The following USP25 variants were observed in gnomAD, a reference collection of about 807,000 sequenced individuals.
USP25 encodes ubiquitin specific peptidase 25, also known as ubiquitin carboxyl-terminal hydrolase 25.
In USP25, 85 loss-of-function variants were observed where a neutral mutation model predicts 158.5. That is an observed-to-expected ratio of 0.54 (90% confidence interval 0.45 to 0.64). The LOEUF is 0.64. Among genes scored for constraint, USP25 ranks in the 30% least tolerant of loss-of-function variants. The probability of loss-of-function intolerance (pLI) is 0.00; values close to 1 mark genes in which losing one functional copy is unlikely to be tolerated. For missense variants in USP25, 1,242 were observed against 1,327.3 expected (o/e 0.94, Z 1.00); for synonymous variants, 464 against 460.4 (o/e 1.01, Z -0.10).
At chr21:15,744,593 T>C (rs1176128657) in intron 1 of USP25, among the ~76,000 whole-genome samples, 1 of 151,270 alleles carries the variant, frequency 6.6e-6, no homozygotes, top group African/African-American at 2.4e-5. Context: ...AGTTTTGTTG[T>C]TGTTGTTGTT....
intron 9 of USP25, 87 bp downstream of exon 9, chr21:15,811,297 A>G (rs1015299088): frequency 5.0e-6 from 6 of 1,210,426 alleles, no homozygotes; most frequent in Non-Finnish European, 7.0e-6. Flanking sequence ...TTTTTAGTGG[A>G]CTTTATTTTT....
At chr21:15,782,166 G>A (rs766237750) in intron 4 of USP25, among the ~76,000 whole-genome samples, 6 of 152,188 alleles carry the variant, frequency 3.9e-5, no homozygotes, top group African/African-American at 9.7e-5. Context: ...AGCCCCATGC[G>A]GCCACCAGGC....
At chr21:15,862,211 A>G (rs1198602556) in intron 20 of USP25, among the ~76,000 whole-genome samples, 3 of 152,118 alleles carry the variant, frequency 2.0e-5, no homozygotes, top group South Asian at 2.1e-4. Flanking sequence ...CTAAAAGTCT[A>G]TTACAGGTTG....
At chr21:15,737,756 G>A (rs1367536236) in intron 1 of USP25, among the ~76,000 whole-genome samples, 1 of 150,756 alleles carries the variant, frequency 6.6e-6, no homozygotes. Context: ...TAGGGATACA[G>A]TTTTATTTTC....
chr21:15,847,325 A>T (rs2038669195), intron 18 of USP25, among the ~76,000 whole-genome samples: 2 of 152,188 alleles, frequency 1.3e-5, no homozygotes, highest in African/African-American at 4.8e-5. Flanking sequence ...AGTTCTAAAT[A>T]CTTTCAGGGA....
intron 1 of USP25, among the ~76,000 whole-genome samples, chr21:15,753,286 A>C (rs1280119375): frequency 6.6e-6 from 1 of 152,166 alleles, no homozygotes; most frequent in Admixed American, 6.5e-5. Flanking sequence ...GTTCATCTGC[A>C]TGTTGCGAGG....
At chr21:15,858,692 T>C (rs2039275674) in intron 20 of USP25, among the ~76,000 whole-genome samples, 1 of 152,080 alleles carries the variant, frequency 6.6e-6, no homozygotes, top group Non-Finnish European at 1.5e-5. Flanking sequence ...ATATTCTCAA[T>C]ATTGAAATAA....
At chr21:15,874,624 G>A (rs2040027131) in intron 24 of USP25, 98 bp downstream of exon 24, 2 of 1,249,230 alleles carry the variant, frequency 1.6e-6, no homozygotes, top group African/African-American at 1.5e-5. Context: ...AAACTCTGAG[G>A]GGATAAGAAC....
chr21:15,871,945 C>G (rs1050223362), intron 23 of USP25, among the ~76,000 whole-genome samples: 3 of 148,572 alleles, frequency 2.0e-5, no homozygotes, highest in Non-Finnish European at 3.0e-5. Flanking sequence ...GAGCCAAGAT[C>G]GCGCCACTGC....
At chr21:15,799,706 C>G in intron 5 of USP25, 51 bp from the exon 6 acceptor site, 1 of 1,295,162 alleles carries the variant, frequency 7.7e-7, no homozygotes, top group South Asian at 1.4e-5. Context: ...TTTTTACATT[C>G]TGCTAATGGA....
intron 9 of USP25, among the ~76,000 whole-genome samples, chr21:15,811,791 A>G (rs1350595014): frequency 6.6e-6 from 1 of 152,140 alleles, no homozygotes; most frequent in East Asian, 1.9e-4. Flanking sequence ...ACAAGGGAGG[A>G]GACTCTTTAA....
chr21:15,803,649 T>C (rs1040347075), intron 6 of USP25, among the ~76,000 whole-genome samples: 1 of 151,896 alleles, frequency 6.6e-6, no homozygotes, highest in Non-Finnish European at 1.5e-5. Context: ...AAATTATTAC[T>C]TCCAATTTTG....
intron 7 of USP25, among the ~76,000 whole-genome samples, chr21:15,808,077 T>C (rs1336597466): frequency 3.3e-5 from 5 of 152,220 alleles, no homozygotes; most frequent in African/African-American, 4.8e-5. Flanking sequence ...GCTATTTTGG[T>C]AAGTAAGGAC....
At chr21:15,754,309 C>T (rs1251491730) in intron 1 of USP25, among the ~76,000 whole-genome samples, 3 of 152,156 alleles carry the variant, frequency 2.0e-5, no homozygotes, top group African/African-American at 7.2e-5. Context: ...TGTTCCAGCT[C>T]ACATCTGCAG....
intron 3 of USP25, among the ~76,000 whole-genome samples, chr21:15,769,619 T>C (rs2034236116): frequency 1.3e-5 from 2 of 152,082 alleles, no homozygotes; most frequent in South Asian, 4.1e-4. Context: ...TTGAGCATTA[T>C]AGGTGTGATT....
chr21:15,786,201 G>A (rs1832395467), intron 4 of USP25, among the ~76,000 whole-genome samples: 1 of 152,100 alleles, frequency 6.6e-6, no homozygotes, highest in Non-Finnish European at 1.5e-5. Context: ...TTGCTGAAGT[G>A]TGTCAAACAT....
chr21:15,847,762 G>A lies in USP25; in HGVS notation c.2437G>A (p.Gly813Arg). 6.5e-7 allele frequency: 1 copy of A among 1,548,880 alleles called. No homozygotes were observed. The highest frequency in any genetic ancestry group is 8.7e-7 in the Non-Finnish European group (1 of 1,145,484). ...ATTTATGATTGAATCAAAGGAGGGG[G>A]GGTATGATGACGAGGTACCTTTTAC... ...GKFMIESKEGGYDDEIMMTPN... is the reference protein window; with the variant it reads ...GKFMIESKEGRYDDEIMMTPN... Residue 813 changes from glycine to arginine, a missense_variant, in exon 19 of 26, where the codon GGG becomes AGG. Physicochemically the swap from Gly to Arg is moderately radical, Grantham distance 125. Transcript: ENST00000400183.
chr21:15,734,955 C>G (rs2031343834), intron 1 of USP25, among the ~76,000 whole-genome samples: 1 of 152,124 alleles, frequency 6.6e-6, no homozygotes. Flanking sequence ...TTCCAACCAC[C>G]TTATGAAGTG....
intron 1 of USP25, among the ~76,000 whole-genome samples, chr21:15,733,506 A>G (rs1021567145): frequency 2.6e-5 from 4 of 152,026 alleles, no homozygotes; most frequent in African/African-American, 9.7e-5. Context: ...CTGAGGTGGG[A>G]GGATCACTTG....
Sources: gnomAD v4.1 joint callset for allele counts (sites outside exome capture counted in the v4.1 genomes callset) on GRCh38, gnomAD v4.1.1 for gene constraint, MANE v1.5 for transcripts, NCBI Gene and HGNC (gene_info 2026-07-23, HGNC 2026-07-21) for gene names.